The following ERC2 variants were observed in gnomAD, a reference collection of about 807,000 sequenced individuals.
ERC2 encodes ELKS/RAB6-interacting/CAST family member 2, also known as ERC protein 2.
Under a neutral mutation model 114.8 loss-of-function variants are expected in ERC2, and 42 were observed. The ratio of observed to expected loss-of-function variants is 0.37; its 90% CI spans 0.29 to 0.47. ERC2 has a LOEUF of 0.47. Among genes scored for constraint, ERC2 ranks in the 20% least tolerant of loss-of-function variants. ERC2 has a pLI of 0.99. For missense variants in ERC2, 939 were observed against 1,150.7 expected (o/e 0.82, Z 2.66); for synonymous variants, 454 against 425.5 (o/e 1.07, Z -0.82).
intron 3 of ERC2, among the ~76,000 whole-genome samples, chr3:56,246,601 C>G (rs998803220): frequency 2.0e-5 from 3 of 152,092 alleles, no homozygotes; most frequent in African/African-American, 7.2e-5. Flanking sequence ...AATACTCAGA[C>G]AAGATAAGTG....
intron 3 of ERC2, among the ~76,000 whole-genome samples, chr3:56,226,794 G>A (rs1005179714): frequency 1.3e-5 from 2 of 151,942 alleles, no homozygotes; most frequent in Non-Finnish European, 2.9e-5. Flanking sequence ...ATCCTTCTTG[G>A]CAACCTCCAC....
At chr3:55,898,828 C>T (rs926357222) in intron 13 of ERC2, among the ~76,000 whole-genome samples, 1 of 152,046 alleles carries the variant, frequency 6.6e-6, no homozygotes, top group Non-Finnish European at 1.5e-5. Context: ...TAATCATACA[C>T]AAAATATGCA....
At chr3:55,886,954 T>A (rs1269448965) in intron 14 of ERC2, among the ~76,000 whole-genome samples, 1 of 152,248 alleles carries the variant, frequency 6.6e-6, no homozygotes, top group African/African-American at 2.4e-5. Flanking sequence ...TTCAAGACAC[T>A]GTTGTGGGCA....
chr3:55,716,860 G>A (rs149811571), intron 15 of ERC2, among the ~76,000 whole-genome samples: 5 of 152,318 alleles, frequency 3.3e-5, no homozygotes, highest in African/African-American at 1.2e-4. Context: ...TTTCCAGTAG[G>A]TGAATTTGCA....
intron 2 of ERC2, among the ~76,000 whole-genome samples, chr3:56,394,162 T>C (rs1576739850): frequency 6.6e-6 from 1 of 152,300 alleles, no homozygotes; most frequent in East Asian, 1.9e-4. Flanking sequence ...AAGTGAAAAC[T>C]ATCATGTTGT....
At chr3:55,934,479 C>A (rs1274424525) in intron 13 of ERC2, among the ~76,000 whole-genome samples, 3 of 152,162 alleles carry the variant, frequency 2.0e-5, no homozygotes, top group African/African-American at 7.2e-5. Context: ...GTCTTCTTAT[C>A]CCCATTTTAA....
intron 14 of ERC2, among the ~76,000 whole-genome samples, chr3:55,859,227 C>T (rs942024593): frequency 1.3e-5 from 2 of 152,188 alleles, no homozygotes; most frequent in Non-Finnish European, 2.9e-5. Flanking sequence ...TGGATGGGGG[C>T]TCACAGTGCT....
chr3:55,809,766 T>C (rs1459194576), intron 14 of ERC2, among the ~76,000 whole-genome samples: 5 of 148,046 alleles, frequency 3.4e-5, no homozygotes, highest in African/African-American at 1.2e-4. Flanking sequence ...TCACAGAGGT[T>C]TGTGGTAAGA....
chr3:56,267,545 G>T (rs2053394863), intron 3 of ERC2, among the ~76,000 whole-genome samples: 1 of 152,052 alleles, frequency 6.6e-6, no homozygotes. Flanking sequence ...GCCAAGGCGG[G>T]TGGATCATGA....
chr3:56,001,489 A>C (rs977842736), intron 10 of ERC2, among the ~76,000 whole-genome samples: 1 of 152,096 alleles, frequency 6.6e-6, no homozygotes, highest in African/African-American at 2.4e-5. Context: ...GGGATGCCAA[A>C]CCAATGGGTT....
intron 2 of ERC2, among the ~76,000 whole-genome samples, chr3:56,408,331 C>CA (rs1277975956): frequency 6.6e-6 from 1 of 152,188 alleles, no homozygotes; most frequent in Non-Finnish European, 1.5e-5. Flanking sequence ...AACTGAAGCA[C>CA]AGACAGTTGC....
At chr3:56,464,306 T>G (rs998745870) in intron 1 of ERC2, among the ~76,000 whole-genome samples, 1 of 152,222 alleles carries the variant, frequency 6.6e-6, no homozygotes, top group Non-Finnish European at 1.5e-5. Flanking sequence ...GTTTGCCTCT[T>G]GGCTCCAGTG....
At chr3:55,749,045 C>T (rs1247897952) in intron 14 of ERC2, among the ~76,000 whole-genome samples, 1 of 152,168 alleles carries the variant, frequency 6.6e-6, no homozygotes, top group African/African-American at 2.4e-5. Flanking sequence ...CCACAATATT[C>T]AACATACACC....
intron 13 of ERC2, among the ~76,000 whole-genome samples, chr3:55,922,281 G>C (rs1293713054): frequency 6.6e-6 from 1 of 151,892 alleles, no homozygotes; most frequent in Non-Finnish European, 1.5e-5. Flanking sequence ...TAGCCACCCA[G>C]GGGAAAAACA....
intron 7 of ERC2, among the ~76,000 whole-genome samples, chr3:56,050,567 T>C (rs1440450530): frequency 6.6e-6 from 1 of 152,188 alleles, no homozygotes; most frequent in Non-Finnish European, 1.5e-5. Flanking sequence ...CTTGAACTGC[T>C]AAGCTCCACA....
intron 14 of ERC2, among the ~76,000 whole-genome samples, chr3:55,766,249 C>T (rs529499246): frequency 8.9e-5 from 12 of 134,460 alleles, no homozygotes; most frequent in African/African-American, 3.2e-4. Flanking sequence ...AAGGCTAGAA[C>T]ACAACTCTTG....
At chr3:55,763,195 C>T (rs1404507857) in intron 14 of ERC2, among the ~76,000 whole-genome samples, 1 of 152,168 alleles carries the variant, frequency 6.6e-6, no homozygotes, top group East Asian at 1.9e-4. Context: ...ATGACAAGTT[C>T]AATGTGGTTA....
chr3:55,631,460 T>C (rs529230488), intron 17 of ERC2, among the ~76,000 whole-genome samples: 3 of 152,176 alleles, frequency 2.0e-5, no homozygotes, highest in Non-Finnish European at 4.4e-5. Context: ...AGGAAAAATA[T>C]TGCCTGACAC....
chr3:56,212,284 T>C (rs1039493473), intron 3 of ERC2, among the ~76,000 whole-genome samples: 8 of 151,918 alleles, frequency 5.3e-5, no homozygotes, highest in African/African-American at 1.9e-4. Context: ...CATCAAAAAG[T>C]GGGCTAAGGA....
Sources: allele counts gnomAD v4.1 joint callset (sites outside exome capture counted in the v4.1 genomes callset), GRCh38; gene constraint gnomAD v4.1.1; transcripts MANE v1.5; gene names NCBI Gene and HGNC (gene_info 2026-07-23, HGNC 2026-07-21).